MICU1: variants seen among roughly 807,000 people sequenced by gnomAD.
The protein encoded by MICU1 is calcium uptake protein 1, mitochondrial.
In MICU1, 45 loss-of-function variants were observed where a neutral mutation model predicts 56.8. The observed-to-expected ratio is 0.79, with a 90% CI of 0.62 to 1.02. The LOEUF is 1.02. Among genes scored for constraint, MICU1 ranks in the 50% least tolerant of loss-of-function variants. MICU1 has a pLI of 0.00. For missense variants in MICU1, 504 were observed against 587.1 expected, an observed-to-expected ratio of 0.86 and a Z score of 1.46; for synonymous variants, 186 against 195.1, an observed-to-expected ratio of 0.95 and a Z score of 0.39.
intron 1 of MICU1, among the ~76,000 whole-genome samples, chr10:72,594,222 A>G (rs1162843924): frequency 3.3e-5 from 5 of 152,230 alleles, no homozygotes; most frequent in African/African-American, 1.2e-4. Context: ...TGGTCACATG[A>G]TTTCTGACAA....
chr10:72,553,256 CAG>C (rs1840080930), intron 3 of MICU1, among the ~76,000 whole-genome samples: 1 of 136,530 alleles, frequency 7.3e-6, no homozygotes, highest in Non-Finnish European at 1.5e-5. Flanking sequence ...TTTTTTGAGA[CAG>C]AGTCTCGCTC....
At chr10:72,569,219 A>ATT (rs1840528851) in intron 1 of MICU1, among the ~76,000 whole-genome samples, 1 of 37,750 alleles carries the variant, frequency 2.6e-5, no homozygotes, top group African/African-American at 1.3e-4. Context: ...ATATATATAT[A>ATT]TATATATATA....
intron 1 of MICU1, among the ~76,000 whole-genome samples, chr10:72,585,432 C>T (rs1169368672): frequency 6.6e-6 from 1 of 152,074 alleles, no homozygotes; most frequent in East Asian, 1.9e-4. Context: ...CGGTGGCTCA[C>T]GCCTGTAATC....
chr10:72,538,601 A>G (rs2132420331), intron 4 of MICU1, among the ~76,000 whole-genome samples: 1 of 152,242 alleles, frequency 6.6e-6, no homozygotes, highest in Admixed American at 6.5e-5. Flanking sequence ...TCTAAAAATA[A>G]AAGGCAAGGA....
intron 2 of MICU1, among the ~76,000 whole-genome samples, chr10:72,565,158 T>C (rs914299173): frequency 2.0e-5 from 3 of 150,838 alleles, no homozygotes; most frequent in Non-Finnish European, 2.9e-5. Context: ...CAAAGGATCA[T>C]ACATCATGCT....
intron 10 of MICU1, among the ~76,000 whole-genome samples, chr10:72,403,102 G>A (rs950331986): frequency 1.6e-4 from 25 of 152,142 alleles, no homozygotes; most frequent in South Asian, 8.3e-4. Flanking sequence ...CTGGGGCCGG[G>A]CGCGGTGGCT....
At position 72,447,583 on chromosome 10, in the gene MICU1, C is replaced by T. The variant is rs115946936; in HGVS notation, c.934-24212G>A. On this transcript the variant is annotated intron_variant, in intron 8 of 11. Transcript: ENST00000361114. The stretch of plus-strand genomic sequence containing the variant: ...GCTAGTTTATAACCAGGAGGCAATG[C>T]TGTTAAAAATAGTTACTACTTGAAG... Among the ~76,000 whole-genome samples, 425 of 152,030 alleles carry T rather than the reference C, an allele frequency of 2.8e-3. 3 individuals are homozygous for T. The highest frequency in any genetic ancestry group is 9.7e-3 in the African/African-American group (401 of 41,478).
At chr10:72,587,049 C>T (rs7906813) in intron 1 of MICU1, among the ~76,000 whole-genome samples, 8,094 of 152,222 alleles carry the variant, frequency 0.053, 735 homozygotes, top group African/African-American at 0.18. Context: ...CTACACCTTT[C>T]ACCTAAAGGC....
At chr10:72,475,727 C>A in intron 7 of MICU1, 1 of 392,900 alleles carries the variant, frequency 2.5e-6, no homozygotes, top group Non-Finnish European at 5.0e-6. Context: ...CCGCGCCCAG[C>A]CTACAATAAT....
chr10:72,504,957 A>G (rs1867194834), intron 6 of MICU1, among the ~76,000 whole-genome samples: 1 of 149,574 alleles, frequency 6.7e-6, no homozygotes, highest in Non-Finnish European at 1.5e-5. Flanking sequence ...AATGGCTATT[A>G]TTATCATTAT....
Position 72,371,491 on chromosome 10 carries a change from C to A in MICU1, c.1271-3136G>T, listed in dbSNP as rs796240753. On this transcript the variant is annotated intron_variant, in intron 11 of 11. Transcript: ENST00000361114. ...GGCACGGTGCCTCACGCCTGTAATC[C>A]CAGCACTTTGGGAGGCCAAGACGGG... Among the ~76,000 whole-genome samples, 5 of 152,042 alleles carry A rather than the reference C, an allele frequency of 3.3e-5. 1 individual carries two copies. Among genetic ancestry groups the A allele is most frequent in the African/African-American group, 1.2e-4 (5 of 41,458 alleles).
chr10:72,537,854 T>C (rs906298228), intron 4 of MICU1, among the ~76,000 whole-genome samples: 6 of 152,126 alleles, frequency 3.9e-5, no homozygotes, highest in African/African-American at 1.4e-4. Flanking sequence ...TTAAAGACAA[T>C]GGCAACTGAC....
At chr10:72,576,569 G>A (rs1466921936) in intron 1 of MICU1, among the ~76,000 whole-genome samples, 2 of 152,226 alleles carry the variant, frequency 1.3e-5, no homozygotes, top group Non-Finnish European at 2.9e-5. Context: ...GCTAGCACAG[G>A]TTTATGAGGT....
intron 1 of MICU1, among the ~76,000 whole-genome samples, chr10:72,601,920 C>T (rs1276502142): frequency 6.6e-6 from 1 of 151,598 alleles, no homozygotes; most frequent in Non-Finnish European, 1.5e-5. Context: ...CTGCCTCAGC[C>T]TCCTGAGTAG....
intron 8 of MICU1, among the ~76,000 whole-genome samples, chr10:72,451,950 C>T (rs937251598): frequency 2.0e-5 from 3 of 152,028 alleles, no homozygotes; most frequent in Non-Finnish European, 2.9e-5. Flanking sequence ...CTGAAACCTC[C>T]GCCACCTGGG....
At chr10:72,517,186 T>G (rs1406226123) in intron 5 of MICU1, among the ~76,000 whole-genome samples, 2 of 152,168 alleles carry the variant, frequency 1.3e-5, no homozygotes, top group Non-Finnish European at 2.9e-5. Flanking sequence ...ACTTTTAGAT[T>G]ATTCTGTGCC....
chr10:72,408,672 T>C (rs1863708500), intron 9 of MICU1, among the ~76,000 whole-genome samples: 1 of 152,208 alleles, frequency 6.6e-6, no homozygotes, highest in Non-Finnish European at 1.5e-5. Context: ...CACTTCCTAA[T>C]TGGGCTATAG....
chr10:72,515,404 C>A (rs1403517591), intron 5 of MICU1, among the ~76,000 whole-genome samples: 2 of 152,096 alleles, frequency 1.3e-5, no homozygotes, highest in Non-Finnish European at 1.5e-5. Context: ...TACTTCTTAA[C>A]CTTGACAGTT....
At chr10:72,413,014 T>C (rs1242951669) in intron 9 of MICU1, among the ~76,000 whole-genome samples, 14 of 151,742 alleles carry the variant, frequency 9.2e-5, no homozygotes, top group African/African-American at 2.9e-4. Context: ...CTGGCCAACA[T>C]GGTGAAACCC....
Sources: allele counts gnomAD v4.1 joint callset (sites outside exome capture counted in the v4.1 genomes callset), GRCh38; gene constraint gnomAD v4.1.1; transcripts MANE v1.5; gene names NCBI Gene and HGNC (gene_info 2026-07-23, HGNC 2026-07-21).